Variants in COL24A1 observed in about 807,000 individuals in gnomAD.
COL24A1 encodes the protein collagen type XXIV alpha 1 chain.
A neutral mutation model predicts 253.9 loss-of-function variants in COL24A1; 224 were observed. The observed-to-expected ratio is 0.88, with a 90% CI of 0.79 to 0.99. The LOEUF (loss-of-function observed/expected upper bound fraction) is 0.99, where lower values mean the gene tolerates loss of function less well. Ranked by LOEUF, COL24A1 falls within the 50% of genes least tolerant of loss-of-function variation. The pLI is 0.00. For synonymous variants in COL24A1, 685 were observed against 673.7 expected (o/e 1.02, Z -0.26); for missense variants, 2,131 against 2,068.5 (o/e 1.03, Z -0.59).
At chr1:85,951,809 G>C (rs894355490) in intron 24 of COL24A1, among the ~76,000 whole-genome samples, 1 of 152,116 alleles carries the variant, frequency 6.6e-6, no homozygotes, top group Non-Finnish European at 1.5e-5. Flanking sequence ...GAAAAGTGCT[G>C]AGCATAACAA....
intron 32 of COL24A1, among the ~76,000 whole-genome samples, chr1:85,882,921 C>G (rs1454390946): frequency 1.3e-5 from 2 of 152,138 alleles, no homozygotes; most frequent in East Asian, 1.9e-4. Context: ...ATATTTCCAG[C>G]TTTCCTTTGA....
intron 10 of COL24A1, among the ~76,000 whole-genome samples, chr1:86,056,278 A>T (rs1441709714): frequency 6.6e-6 from 1 of 152,184 alleles, no homozygotes; most frequent in Non-Finnish European, 1.5e-5. Context: ...AAGAACAAAG[A>T]CAGCATGAGC....
At chr1:85,994,605 G>A (rs143263970) in intron 19 of COL24A1, among the ~76,000 whole-genome samples, 3 of 152,234 alleles carry the variant, frequency 2.0e-5, no homozygotes, top group South Asian at 2.1e-4. Flanking sequence ...GTAATATGAT[G>A]AGTCCAGGTA....
In COL24A1 at chr1:85,730,661, A is replaced by G; in HGVS notation, c.5030T>C (p.Phe1677Ser). ...IQDGSWHKAT[F>S]LFHTQEPNQL... ...ATTAGGTTCCTGGGTGTGAAAAAGA[A>G]ATGTTGCCTTATGCCAGCTGCCATC... is the stretch of plus-strand genomic sequence containing the variant. The change falls in exon 60 of 60, where the codon TTT becomes TCT. Residue 1677 changes from phenylalanine (F) to serine (S), a missense_variant. Phe to Ser is a radical substitution (Grantham distance 155). Transcript: ENST00000370571. 2 of 1,613,992 alleles carry G rather than the reference A, an allele frequency of 1.2e-6. No individual in the cohort carries two copies. The highest frequency in any genetic ancestry group is 2.7e-5 in the African/African-American group (2 of 75,066).
At chr1:86,009,477 A>C (rs1696303615) in intron 19 of COL24A1, among the ~76,000 whole-genome samples, 1 of 152,222 alleles carries the variant, frequency 6.6e-6, no homozygotes, top group Non-Finnish European at 1.5e-5. Flanking sequence ...TATTGCTTCT[A>C]GGCTACAAAC....
At chr1:85,788,972 T>A (rs1558131992) in intron 47 of COL24A1, among the ~76,000 whole-genome samples, 1 of 152,190 alleles carries the variant, frequency 6.6e-6, no homozygotes, top group Non-Finnish European at 1.5e-5. Context: ...AGCTTTGTAG[T>A]ATAGTTTGAA....
intron 12 of COL24A1, among the ~76,000 whole-genome samples, chr1:86,036,458 GCA>G (rs1699033189): frequency 6.6e-6 from 1 of 151,966 alleles, no homozygotes. Flanking sequence ...ATGAAATATT[GCA>G]CAGTTAATAC....
At chr1:86,084,446 G>A (rs1206096025) in intron 7 of COL24A1, among the ~76,000 whole-genome samples, 1 of 152,130 alleles carries the variant, frequency 6.6e-6, no homozygotes, top group Non-Finnish European at 1.5e-5. Flanking sequence ...ACAGACTCAT[G>A]CCAATGTTAG....
At chr1:86,029,729 C>G (rs749186115) in intron 14 of COL24A1, 20 of 151,794 alleles carry the variant, frequency 1.3e-4, no homozygotes, top group Non-Finnish European at 2.5e-4. Flanking sequence ...GATGCTCTCA[C>G]CTCAGCCTCC....
intron 57 of COL24A1, among the ~76,000 whole-genome samples, chr1:85,739,683 T>G (rs1664401853): frequency 1.3e-5 from 2 of 152,190 alleles, no homozygotes; most frequent in African/African-American, 4.8e-5. Context: ...GAAAATCTAC[T>G]TATGACCTAA....
At chr1:85,986,900 T>C (rs1242297026) in intron 20 of COL24A1, among the ~76,000 whole-genome samples, 1 of 151,896 alleles carries the variant, frequency 6.6e-6, no homozygotes, top group Non-Finnish European at 1.5e-5. Context: ...TAATGCTTTA[T>C]TTGCTTACAG....
chr1:85,855,392 A>T (rs560178181), intron 37 of COL24A1, among the ~76,000 whole-genome samples: 2 of 152,250 alleles, frequency 1.3e-5, no homozygotes, highest in African/African-American at 4.8e-5. Context: ...TGTACTTTCA[A>T]TGTCAAGTTT....
At chr1:85,858,619 CCCTCCTTCCTT>C (rs1678732251) in intron 37 of COL24A1, among the ~76,000 whole-genome samples, 4 of 137,794 alleles carry the variant, frequency 2.9e-5, no homozygotes, top group Non-Finnish European at 3.2e-5. Flanking sequence ...CTTATTTTCT[CCCTCCTTCCTT>C]CCTTCCTTCC....
chr1:85,829,603 T>C (rs905021612), intron 43 of COL24A1, among the ~76,000 whole-genome samples: 8 of 152,006 alleles, frequency 5.3e-5, no homozygotes, highest in Admixed American at 2.6e-4. Flanking sequence ...CCCATATTTC[T>C]TGGAGGCTTT....
At chr1:86,089,030 A>T in intron 7 of COL24A1, 144 bp downstream of exon 7, 1 of 555,758 alleles carries the variant, frequency 1.8e-6, no homozygotes. Flanking sequence ...TTTTAGGGTC[A>T]ACTTCAAAAT....
At chr1:85,962,016 C>G (rs1042094555) in intron 23 of COL24A1, among the ~76,000 whole-genome samples, 1 of 152,040 alleles carries the variant, frequency 6.6e-6, no homozygotes, top group Non-Finnish European at 1.5e-5. Flanking sequence ...CTTTTAATCA[C>G]TTTTATCAAT....
intron 31 of COL24A1, among the ~76,000 whole-genome samples, chr1:85,892,037 A>T (rs1683188752): frequency 6.6e-6 from 1 of 152,180 alleles, no homozygotes; most frequent in East Asian, 1.9e-4. Context: ...TGTGCCAGGA[A>T]CATAATAAAT....
At chr1:85,866,214 G>A (rs1031939171) in intron 37 of COL24A1, among the ~76,000 whole-genome samples, 1 of 152,146 alleles carries the variant, frequency 6.6e-6, no homozygotes, top group Non-Finnish European at 1.5e-5. Context: ...AGTGAGCCAA[G>A]ATCGTGCCAC....
chr1:86,111,108 C>T (rs1414693945), intron 5 of COL24A1, among the ~76,000 whole-genome samples: 2 of 143,830 alleles, frequency 1.4e-5, no homozygotes, highest in African/African-American at 5.2e-5. Flanking sequence ...GCGGATGCAC[C>T]AATCAGCACT....
Sources: allele counts gnomAD v4.1 joint callset (sites outside exome capture counted in the v4.1 genomes callset), GRCh38; gene constraint gnomAD v4.1.1; transcripts MANE v1.5; gene names NCBI Gene and HGNC (gene_info 2026-07-23, HGNC 2026-07-21).